Variants in CDC40 observed in about 807,000 individuals in gnomAD.
The protein encoded by CDC40 is cell division cycle 40.
Under a neutral mutation model 80.6 loss-of-function variants are expected in CDC40, and 27 were observed. The ratio of observed to expected loss-of-function variants is 0.33; its 90% CI spans 0.25 to 0.46. The LOEUF (loss-of-function observed/expected upper bound fraction) is 0.46, where lower values mean the gene tolerates loss of function less well. Ranked by LOEUF, CDC40 falls within the 20% of genes least tolerant of loss-of-function variation. The pLI is 1.00. For missense variants in CDC40, 486 were observed against 694.1 expected (o/e 0.70, Z 3.37); for synonymous variants, 221 against 232.6 (o/e 0.95, Z 0.45).
Position 110,229,053 on chromosome 6 carries a change from C to T in CDC40, c.1562+77C>T, listed in dbSNP as rs972062771. ...CTGTTGTTGTACAAATAACACTTGA[C>T]ACATCACTCTCACATAATATGTTTT... On this transcript the variant is annotated intron_variant, in intron 14 of 14. Coordinates refer to ENST00000307731, the MANE Select transcript of CDC40 (RefSeq NM_015891.3). The T allele has an allele frequency of 5.4e-6, 6 of 1,105,142 alleles. No individual in the cohort carries two copies. The African/African-American group carries it at 8.2e-5, about 15-fold the overall frequency. The allele number at this position is 1,105,142 out of a possible 1,614,324, so 68.5% of individuals were successfully genotyped here.
chr6:110,221,486 G>C (rs1156398447), intron 12 of CDC40, among the ~76,000 whole-genome samples: 1 of 152,180 alleles, frequency 6.6e-6, no homozygotes, highest in African/African-American at 2.4e-5. Flanking sequence ...GTAGAGAGTA[G>C]TCTTAATATA....
At chr6:110,188,816 G>T (rs1294363786) in intron 1 of CDC40, among the ~76,000 whole-genome samples, 1 of 152,182 alleles carries the variant, frequency 6.6e-6, no homozygotes, top group Non-Finnish European at 1.5e-5. Context: ...TTTAGTAGTG[G>T]TGTTCAGTCA....
chr6:110,201,216 A>C (rs1777488958), intron 2 of CDC40, among the ~76,000 whole-genome samples: 1 of 152,196 alleles, frequency 6.6e-6, no homozygotes, highest in Non-Finnish European at 1.5e-5. Flanking sequence ...GTTTGGGGAA[A>C]CTATAGTAAC....
At chr6:110,207,635 T>C (rs1300280756) in intron 4 of CDC40, 46 bp downstream of exon 4, 1 of 984,464 alleles carries the variant, frequency 1.0e-6, no homozygotes. Context: ...TACACATCTA[T>C]AATTAGTGTC....
At chr6:110,229,901 T>A in intron 14 of CDC40, 53 bp from the exon 15 acceptor site, 1 of 1,257,944 alleles carries the variant, frequency 7.9e-7, no homozygotes, top group Non-Finnish European at 1.1e-6. Flanking sequence ...CTCATTCGCC[T>A]TACCAATTTA....
At chr6:110,223,464 A>G (rs1258314698) in intron 12 of CDC40, among the ~76,000 whole-genome samples, 1 of 149,188 alleles carries the variant, frequency 6.7e-6, no homozygotes, top group East Asian at 2.0e-4. Flanking sequence ...TACAAAGATA[A>G]ATAGGAAGCA....
chr6:110,183,941 A>G (rs1777232267), intron 1 of CDC40, among the ~76,000 whole-genome samples: 1 of 152,028 alleles, frequency 6.6e-6, no homozygotes, highest in Admixed American at 6.5e-5. Flanking sequence ...TGTGTGTTGC[A>G]AATTTTTTTT....
intron 1 of CDC40, among the ~76,000 whole-genome samples, chr6:110,189,008 T>A (rs565132267): frequency 6.6e-6 from 1 of 152,348 alleles, no homozygotes; most frequent in Admixed American, 6.5e-5. Flanking sequence ...GCCTGCTGCT[T>A]GCAACTAAGA....
intron 12 of CDC40, among the ~76,000 whole-genome samples, chr6:110,223,973 C>T (rs1248081556): frequency 6.6e-6 from 1 of 152,030 alleles, no homozygotes; most frequent in Non-Finnish European, 1.5e-5. Context: ...GCTGGGACTA[C>T]AGTAATGCGC....
chr6:110,209,797 C>G (rs76982016), intron 5 of CDC40, among the ~76,000 whole-genome samples: 10,984 of 152,138 alleles, frequency 0.072, 538 homozygotes, highest in African/African-American at 0.14. Context: ...AGCTTATATT[C>G]TAGCTGTTAC....
Position 110,219,819 on chromosome 6 carries a change from TAGG to T in CDC40, c.1293_1295del (p.Arg432del), listed in dbSNP as rs1562206753. On this transcript the variant is annotated inframe_deletion, in exon 12 of 15. Transcript: ENST00000307731. Reference sequence around the variant, plus strand: ...ACACCATTGTTTTTGTGGATGAGAATAGGAGATTTGTGAGCACATCTGATGATA... The same window carrying T: ...ACACCATTGTTTTTGTGGATGAGAATAGATTTGTGAGCACATCTGATGATA... 6.8e-6 allele frequency: 11 copies of T among 1,614,094 alleles called. No homozygotes were observed. Among genetic ancestry groups the T allele is most frequent in the Non-Finnish European group, 9.3e-6 (11 of 1,179,968 alleles).
rs148520956 is a variant in CDC40 at position 110,224,082 on chromosome 6, C to T, written c.1341-2085C>T. Among the ~76,000 whole-genome samples the T allele has an allele frequency of 3.6e-3, 546 of 152,242 alleles. 4 individuals are homozygous for T. Among genetic ancestry groups the T allele is most frequent in the African/African-American group, 0.012 (514 of 41,536 alleles). ...TCTTGACCTTGTGATCTACCCGCCT[C>T]AGCCTCCCAAAGTGCTGGGATTACA... On this transcript the variant is annotated intron_variant, in intron 12 of 14. Coordinates refer to ENST00000307731, the MANE Select transcript of CDC40 (RefSeq NM_015891.3).
At chr6:110,221,339 G>C (rs1343352287) in intron 12 of CDC40, among the ~76,000 whole-genome samples, 1 of 152,116 alleles carries the variant, frequency 6.6e-6, no homozygotes, top group Admixed American at 6.6e-5. Context: ...TTATACTTAA[G>C]TCCCTTTGGG....
chr6:110,225,610 G>A (rs560922836), intron 12 of CDC40, among the ~76,000 whole-genome samples: 8 of 152,132 alleles, frequency 5.3e-5, no homozygotes, highest in Non-Finnish European at 1.2e-4. Context: ...AGCTTTGCCT[G>A]CCATCCACCT....
At chr6:110,205,015 T>G (rs746452715) in intron 3 of CDC40, among the ~76,000 whole-genome samples, 1 of 152,210 alleles carries the variant, frequency 6.6e-6, no homozygotes, top group South Asian at 2.1e-4. Flanking sequence ...CTTTGTTTAC[T>G]TGATAATCAA....
chr6:110,214,207 C>T (rs2114665967), intron 8 of CDC40, among the ~76,000 whole-genome samples: 1 of 152,152 alleles, frequency 6.6e-6, no homozygotes, highest in Non-Finnish European at 1.5e-5. Flanking sequence ...TTACTTTGTA[C>T]AAACCATGTT....
intron 9 of CDC40, among the ~76,000 whole-genome samples, 187 bp from the exon 10 acceptor site, chr6:110,217,515 G>T (rs570534843): frequency 6.6e-6 from 1 of 151,808 alleles, no homozygotes; most frequent in East Asian, 1.9e-4. Context: ...GGAAAAAAAC[G>T]CCCACATTCT....
At chr6:110,205,707 A>G (rs1777552917) in intron 3 of CDC40, among the ~76,000 whole-genome samples, 1 of 152,168 alleles carries the variant, frequency 6.6e-6, no homozygotes, top group African/African-American at 2.4e-5. Flanking sequence ...ATGAAATGCT[A>G]TTTATGTAGA....
chr6:110,210,663 G>A, intron 5 of CDC40, 44 bp from the exon 6 acceptor site: 1 of 1,145,056 alleles, frequency 8.7e-7, no homozygotes, highest in Non-Finnish European at 1.2e-6. Flanking sequence ...GTATAATGAG[G>A]TTCTAGAACA....
Sources: allele counts gnomAD v4.1 joint callset (sites outside exome capture counted in the v4.1 genomes callset), GRCh38; gene constraint gnomAD v4.1.1; transcripts MANE v1.5; gene names NCBI Gene and HGNC (gene_info 2026-07-23, HGNC 2026-07-21).